MALRD1: variants seen among roughly 807,000 people sequenced by gnomAD.
MALRD1 encodes MAM and LDL receptor class A domain containing 1.
Under a neutral mutation model 242.1 loss-of-function variants are expected in MALRD1, and 247 were observed. The ratio of observed to expected loss-of-function variants is 1.02; its 90% CI spans 0.92 to 1.13. The LOEUF is 1.13. Among genes scored for constraint, MALRD1 ranks in the 50% most tolerant of loss-of-function variants. The pLI, the probability that MALRD1 is intolerant of heterozygous loss-of-function variation, is 0.00. For missense variants in MALRD1, 2,989 were observed against 2,533.1 expected (o/e 1.18, Z -3.86); for synonymous variants, 995 against 866.6 (o/e 1.15, Z -2.60).
At chr10:19,311,586 A>G (rs888900266) in intron 21 of MALRD1, among the ~76,000 whole-genome samples, 1 of 151,484 alleles carries the variant, frequency 6.6e-6, no homozygotes, top group African/African-American at 2.4e-5. Flanking sequence ...AGATTTTAAT[A>G]TTTTTATCAA....
chr10:19,719,717 TG>T (rs1463527532), intron 38 of MALRD1, among the ~76,000 whole-genome samples: 1 of 152,206 alleles, frequency 6.6e-6, no homozygotes, highest in East Asian at 1.9e-4. Context: ...CCCAAACATT[TG>T]GTTCAGTTTG....
At chr10:19,564,703 A>C (rs965009112) in intron 32 of MALRD1, among the ~76,000 whole-genome samples, 10 of 152,172 alleles carry the variant, frequency 6.6e-5, no homozygotes, top group African/African-American at 2.4e-4. Context: ...ATGTTTAATA[A>C]ATGTAAAATT....
chr10:19,473,525 CTG>C (rs1467819992), intron 29 of MALRD1, among the ~76,000 whole-genome samples: 1 of 151,994 alleles, frequency 6.6e-6, no homozygotes, highest in African/African-American at 2.4e-5. Flanking sequence ...CTTTCTGTCT[CTG>C]TGAATTTTTC....
At chr10:19,724,275 G>A (rs1350695075) in intron 38 of MALRD1, among the ~76,000 whole-genome samples, 1 of 152,126 alleles carries the variant, frequency 6.6e-6, no homozygotes, top group Non-Finnish European at 1.5e-5. Flanking sequence ...GCACACATCT[G>A]TAGTTAACAT....
Position 19,280,093 on chromosome 10 carries a change from T to C in MALRD1, c.3126T>C (p.Pro1042=). ...CAACTCCACCAGAAACGTCAGTTCC[T>C]GTAACATTACCTCCACACAACTGCA... ...DLPTPPETSV[P]VTLPPHNCTD... is the part of the protein sequence containing the mutation. The change falls in exon 20 of 40, where the codon CCT becomes CCC. Residue 1042 remains proline, a synonymous_variant. Transcript: ENST00000454679. 1 of 1,535,934 alleles carries C rather than the reference T, an allele frequency of 6.5e-7. No individual in the cohort carries two copies. Among genetic ancestry groups the C allele is most frequent in the Non-Finnish European group, 8.8e-7 (1 of 1,141,552 alleles).
intron 22 of MALRD1, 114 bp from the exon 23 acceptor site, chr10:19,327,449 G>A (rs1843180360): frequency 1.4e-6 from 1 of 693,994 alleles, no homozygotes; most frequent in African/African-American, 1.8e-5. Context: ...TTCTCTCCAG[G>A]ACTTCATGTT....
intron 32 of MALRD1, among the ~76,000 whole-genome samples, chr10:19,548,196 A>G: frequency 6.6e-6 from 1 of 151,098 alleles, no homozygotes; most frequent in East Asian, 2.0e-4. Flanking sequence ...ATGGGGTTTC[A>G]CCATGTTGGT....
At chr10:19,413,710 G>T (rs1833378055) in intron 28 of MALRD1, among the ~76,000 whole-genome samples, 1 of 151,894 alleles carries the variant, frequency 6.6e-6, no homozygotes, top group South Asian at 2.1e-4. Flanking sequence ...TAGGCTGTGT[G>T]TGGTGGCTTA....
intron 32 of MALRD1, among the ~76,000 whole-genome samples, chr10:19,544,013 G>T (rs1835097502): frequency 6.6e-6 from 1 of 151,376 alleles, no homozygotes; most frequent in Non-Finnish European, 1.5e-5. Flanking sequence ...ACACTATATG[G>T]CTGAATTGTG....
intron 22 of MALRD1, among the ~76,000 whole-genome samples, chr10:19,325,424 T>A: frequency 6.6e-6 from 1 of 152,114 alleles, no homozygotes; most frequent in South Asian, 2.1e-4. Context: ...TTTTTTTTTT[T>A]TTTCTGGGGC....
In MALRD1 at chr10:19,417,058, G is replaced by A. The variant is rs74118941; in HGVS notation, c.4845+27449G>A. On this transcript the variant is annotated intron_variant, in intron 28 of 39. Coordinates refer to ENST00000454679, the MANE Select transcript of MALRD1 (RefSeq NM_001142308.3). ...AGCCCTTTCTCTTTTTAGCTTATGGGATACCATACCTCCTTGGTTTTCCTC... is the reference window on the plus strand; with the variant it reads ...AGCCCTTTCTCTTTTTAGCTTATGGAATACCATACCTCCTTGGTTTTCCTC... Among the ~76,000 whole-genome samples the A allele has an allele frequency of 1.9e-3, 295 of 152,202 alleles. 1 individual carries two copies. The highest frequency in any genetic ancestry group is 7.0e-3 in the African/African-American group (292 of 41,530).
At chr10:19,463,578 G>A (rs371898644) in intron 29 of MALRD1, among the ~76,000 whole-genome samples, 14,393 of 47,492 alleles carry the variant, frequency 0.3, 742 homozygotes, top group East Asian at 0.49. Flanking sequence ...GTGTGTGTGT[G>A]TGTGTGTGTG....
intron 32 of MALRD1, among the ~76,000 whole-genome samples, chr10:19,562,649 C>G (rs1250592637): frequency 6.6e-6 from 1 of 152,154 alleles, no homozygotes; most frequent in African/African-American, 2.4e-5. Context: ...CCTCAATTCT[C>G]TAATGCAGGG....
At chr10:19,289,177 T>C (rs1042267934) in intron 21 of MALRD1, among the ~76,000 whole-genome samples, 1 of 152,182 alleles carries the variant, frequency 6.6e-6, no homozygotes, top group Non-Finnish European at 1.5e-5. Flanking sequence ...TTATGAATAA[T>C]CTATAAGTCC....
At chr10:19,183,718 C>G (rs780033086) in intron 14 of MALRD1, among the ~76,000 whole-genome samples, 10 of 152,028 alleles carry the variant, frequency 6.6e-5, no homozygotes, top group Admixed American at 2.0e-4. Context: ...TAAATTGCAA[C>G]CAATTTTGGT....
intron 13 of MALRD1, among the ~76,000 whole-genome samples, chr10:19,174,772 A>G (rs1425604181): frequency 1.3e-5 from 2 of 152,008 alleles, no homozygotes; most frequent in Non-Finnish European, 2.9e-5. Context: ...AATATATATT[A>G]TGTTTGTATG....
intron 10 of MALRD1, among the ~76,000 whole-genome samples, chr10:19,137,607 G>GAAAAAAAAA (rs34768480): frequency 1.2e-5 from 1 of 84,448 alleles, no homozygotes; most frequent in African/African-American, 4.4e-5. Context: ...GACTCCGTCT[G>GAAAAAAAAA]AAAAAAAAAA....
intron 24 of MALRD1, among the ~76,000 whole-genome samples, chr10:19,341,454 GTATATATATGTATATATGTA>G (rs1843850349): frequency 8.3e-6 from 1 of 120,944 alleles, no homozygotes; most frequent in Non-Finnish European, 1.8e-5. Flanking sequence ...ATATATATGT[GTATATATATGTATATATGTA>G]TATATATGTG....
At chr10:19,560,190 C>T (rs756353099) in intron 32 of MALRD1, among the ~76,000 whole-genome samples, 6 of 152,086 alleles carry the variant, frequency 3.9e-5, no homozygotes, top group Non-Finnish European at 5.9e-5. Flanking sequence ...CATGCATGGC[C>T]GGGTGTGGTG....
Sources: gnomAD v4.1 joint callset for allele counts (sites outside exome capture counted in the v4.1 genomes callset) on GRCh38, gnomAD v4.1.1 for gene constraint, MANE v1.5 for transcripts, NCBI Gene and HGNC (gene_info 2026-07-23, HGNC 2026-07-21) for gene names.